Variants in CCT6B observed in about 807,000 individuals in gnomAD.
CCT6B encodes probable T-complex protein 1 subunit zeta-2.
A neutral mutation model predicts 61.5 loss-of-function variants in CCT6B; 49 were observed. That is an observed-to-expected ratio of 0.80 (90% CI 0.63 to 1.01). The LOEUF is 1.01. Among genes scored for constraint, CCT6B ranks in the 50% least tolerant of loss-of-function variants. CCT6B has a pLI of 0.00. For missense variants in CCT6B, 666 were observed against 634.7 expected, an observed-to-expected ratio of 1.05 and a Z score of -0.53; for synonymous variants, 228 against 214.5, an observed-to-expected ratio of 1.06 and a Z score of -0.55.
chr17:34,940,870 C>G (rs545940095), intron 7 of CCT6B, among the ~76,000 whole-genome samples: 1 of 152,136 alleles, frequency 6.6e-6, no homozygotes, highest in Admixed American at 6.5e-5. Context: ...ATTTACTACA[C>G]TTTTGAAAAC....
At chr17:34,936,992 C>A (rs1325827312) in intron 10 of CCT6B, among the ~76,000 whole-genome samples, 1 of 151,810 alleles carries the variant, frequency 6.6e-6, no homozygotes, top group Non-Finnish European at 1.5e-5. Flanking sequence ...GTTGTCTCTA[C>A]AGAAAATAAA....
At chr17:34,934,608 C>CA (rs1281350326) in intron 10 of CCT6B, among the ~76,000 whole-genome samples, 3 of 151,466 alleles carry the variant, frequency 2.0e-5, no homozygotes, top group Non-Finnish European at 2.9e-5. Flanking sequence ...AAAGCTCACT[C>CA]AAAAAAAACA....
rs1221182616 is a variant in CCT6B at position 34,959,111 on chromosome 17, C to CA, written c.202-418dup. 4.2e-3 allele frequency among the ~76,000 whole-genome samples: 451 copies of CA among 108,396 alleles called. 1 individual carries two copies. Among genetic ancestry groups the CA allele is most frequent in the African/African-American group, 6.2e-3 (187 of 29,936 alleles). The allele number at this position is 108,396 out of a possible 152,430, so 71.1% of individuals were successfully genotyped here. A position where few individuals can be genotyped will look rare whatever the true frequency, so the allele number is the denominator to read the frequency against. ...AAGTATACAAAGACTTGGAAACAGC[C>CA]AAAAAAAAAAACTTTTTTTTTTTTT... On this transcript the variant is annotated intron_variant, in intron 2 of 13. Coordinates refer to ENST00000314144, the MANE Select transcript of CCT6B (RefSeq NM_006584.4).
chr17:34,937,871 TTTTTC>T (rs202233368), intron 10 of CCT6B, among the ~76,000 whole-genome samples: 10,376 of 151,516 alleles, frequency 0.068, 500 homozygotes, highest in Non-Finnish European at 0.088. Context: ...AACACAAATT[TTTTTC>T]TTTTCTTTTC....
chr17:34,956,864 C>CA (rs2090352688), intron 3 of CCT6B, among the ~76,000 whole-genome samples: 1 of 152,246 alleles, frequency 6.6e-6, no homozygotes, highest in Admixed American at 6.5e-5. Flanking sequence ...GGCTGGAGTA[C>CA]ACTGGTGCAA....
At chr17:34,935,571 G>A (rs531610201) in intron 10 of CCT6B, among the ~76,000 whole-genome samples, 176 of 152,154 alleles carry the variant, frequency 1.2e-3, no homozygotes, top group Middle Eastern at 3.4e-3. Flanking sequence ...AAAACTAAAC[G>A]AGGGCTGGGT....
At chr17:34,959,885 G>C (rs2090392503) in intron 1 of CCT6B, among the ~76,000 whole-genome samples, 1 of 152,202 alleles carries the variant, frequency 6.6e-6, no homozygotes, top group African/African-American at 2.4e-5. Context: ...AAAAGCACTT[G>C]ATGAGTTACG....
At chr17:34,952,814 T>C (rs1567672182) in intron 4 of CCT6B, among the ~76,000 whole-genome samples, 1 of 152,270 alleles carries the variant, frequency 6.6e-6, no homozygotes, top group East Asian at 1.9e-4. Context: ...TTAGAAAACT[T>C]TGCCTGAGGT....
chr17:34,956,558 G>A (rs2090349557), intron 3 of CCT6B, among the ~76,000 whole-genome samples: 2 of 152,104 alleles, frequency 1.3e-5, no homozygotes, highest in Non-Finnish European at 2.9e-5. Flanking sequence ...CCCTAATTCA[G>A]TTTGGGTTTC....
intron 11 of CCT6B, 76 bp from the exon 12 acceptor site, chr17:34,931,127 T>G (rs1409398943): frequency 2.3e-6 from 1 of 431,154 alleles, no homozygotes; most frequent in East Asian, 5.5e-5. Context: ...ATAAAAATAC[T>G]CTTTACTCTT....
Position 34,939,897 on chromosome 17 carries a change from TA to T in CCT6B, c.969-185del, listed in dbSNP as rs370637145. On this transcript the variant is annotated intron_variant, in intron 8 of 13. Transcript: ENST00000314144. The stretch of plus-strand genomic sequence containing the variant: ...ACATGATGATGTTTTTAAATATGTA[TA>T]CACTGTGGAATGGCTAAATTGAGCT... Among the ~76,000 whole-genome samples, 671 of 152,306 alleles carry T rather than the reference TA, an allele frequency of 4.4e-3. 1 individual carries two copies. The highest frequency in any genetic ancestry group is 8.9e-3 in the South Asian group (43 of 4,826).
chr17:34,929,894 T>C (rs933220707), intron 12 of CCT6B, among the ~76,000 whole-genome samples: 6 of 152,140 alleles, frequency 3.9e-5, no homozygotes, highest in African/African-American at 1.4e-4. Flanking sequence ...AATTAAAAGA[T>C]TACAGATGCT....
intron 5 of CCT6B, among the ~76,000 whole-genome samples, chr17:34,947,675 C>G (rs762441469): frequency 1.3e-5 from 2 of 152,112 alleles, no homozygotes; most frequent in Non-Finnish European, 2.9e-5. Flanking sequence ...AAATGGAAGG[C>G]TGAGATGCAA....
chr17:34,949,136 G>T (rs1350766817), intron 5 of CCT6B, among the ~76,000 whole-genome samples: 2 of 151,390 alleles, frequency 1.3e-5, no homozygotes, highest in African/African-American at 4.9e-5. Context: ...GAAAAGCATA[G>T]AAAAGAAAAG....
chr17:34,939,080 T>C, intron 10 of CCT6B, 103 bp downstream of exon 10: 4 of 984,518 alleles, frequency 4.1e-6, no homozygotes, highest in Non-Finnish European at 5.9e-6. Context: ...GAAGACTCTG[T>C]CTAAAAATAT....
chr17:34,940,999 T>A (rs1487690153), intron 7 of CCT6B, among the ~76,000 whole-genome samples: 2 of 152,172 alleles, frequency 1.3e-5, no homozygotes, highest in African/African-American at 2.4e-5. Context: ...CAATTTGGAA[T>A]GATATGTTAT....
chr17:34,943,095 T>G, intron 5 of CCT6B, 189 bp from the exon 6 acceptor site: 1 of 477,626 alleles, frequency 2.1e-6, no homozygotes, highest in Non-Finnish European at 3.7e-6. Flanking sequence ...ATGTCCAGGC[T>G]GGCCACGAAC....
intron 5 of CCT6B, 39 bp from the exon 6 acceptor site, chr17:34,942,945 C>A: frequency 8.6e-7 from 1 of 1,157,792 alleles, no homozygotes; most frequent in Non-Finnish European, 1.2e-6. Context: ...TGAATATATA[C>A]TCTAAAATTT....
chr17:34,952,935 G>A lies in CCT6B; in HGVS notation c.511-882C>T, dbSNP rs574032247. Among the ~76,000 whole-genome samples the A allele has an allele frequency of 9.9e-5, 15 of 152,268 alleles. 1 individual carries two copies. The highest frequency in any genetic ancestry group is 4.1e-4 in the South Asian group (2 of 4,822). ...AACAGAATGGGTGCCCTAGCAGCAT[G>A]AAGATTTGGGGCCATTCAAGTACTC... On this transcript the variant is annotated intron_variant, in intron 4 of 13. Transcript: ENST00000314144.
Sources: allele counts gnomAD v4.1 joint callset (sites outside exome capture counted in the v4.1 genomes callset), GRCh38; gene constraint gnomAD v4.1.1; transcripts MANE v1.5; gene names NCBI Gene and HGNC (gene_info 2026-07-23, HGNC 2026-07-21).